The following TSGA10IP variants were observed in gnomAD, a reference collection of about 807,000 sequenced individuals.
TSGA10IP encodes the protein testis specific 10 interacting protein, also known as testis-specific protein 10-interacting protein.
A neutral mutation model predicts 63.2 loss-of-function variants in TSGA10IP; 64 were observed. The ratio of observed to expected loss-of-function variants is 1.01; its 90% CI spans 0.83 to 1.25. TSGA10IP has a LOEUF of 1.25. Among genes scored for constraint, TSGA10IP ranks in the 50% most tolerant of loss-of-function variants. The pLI is 0.00. For synonymous variants in TSGA10IP, 316 were observed against 298.3 expected (o/e 1.06, Z -0.61); for missense variants, 681 against 710.1 (o/e 0.96, Z 0.47).
chr11:65,949,540 C>T (rs147033879), intron 4 of TSGA10IP, among the ~76,000 whole-genome samples: 3,364 of 152,032 alleles, frequency 0.022, 143 homozygotes, highest in African/African-American at 0.076. Flanking sequence ...CCTCAGCCTC[C>T]CAAGTAGCTG....
chr11:65,956,174 G>C (rs934108362), intron 5 of TSGA10IP, among the ~76,000 whole-genome samples: 1 of 136,298 alleles, frequency 7.3e-6, no homozygotes, highest in Non-Finnish European at 1.5e-5. Flanking sequence ...TTTCGCTCTT[G>C]TTGCCCAAGC....
chr11:65,947,476 G>T, exon 3 of TSGA10IP: 3 of 1,613,380 alleles, frequency 1.9e-6, no homozygotes, highest in Non-Finnish European at 2.5e-6. Flanking sequence ...AGGTCCAGCT[G>T]CAAAGCCTGG....
intron 7 of TSGA10IP, 86 bp from the exon 8 acceptor site, chr11:65,959,731 C>A: frequency 6.8e-7 from 1 of 1,470,828 alleles, no homozygotes; most frequent in Non-Finnish European, 9.0e-7. Flanking sequence ...GGCACTGAAG[C>A]AGGGTTTGAA....
At chr11:65,958,971 C>G in exon 6 of TSGA10IP, 1 of 1,613,128 alleles carries the variant, frequency 6.2e-7, no homozygotes, top group Non-Finnish European at 8.5e-7. Context: ...CCTGTTCCAG[C>G]AGGCTATGCA....
intron 5 of TSGA10IP, among the ~76,000 whole-genome samples, chr11:65,957,763 C>A (rs111286031): frequency 6.6e-6 from 1 of 152,016 alleles, no homozygotes; most frequent in Non-Finnish European, 1.5e-5. Context: ...CTCTTGTCTG[C>A]GTCTTCCCTC....
At chr11:65,956,086 C>T (rs972028117) in intron 5 of TSGA10IP, among the ~76,000 whole-genome samples, 1 of 151,998 alleles carries the variant, frequency 6.6e-6, no homozygotes, top group East Asian at 1.9e-4. Flanking sequence ...TGCCTTAAGG[C>T]CACTGACGGC....
At chr11:65,954,664 A>G (rs1181387831) in intron 5 of TSGA10IP, among the ~76,000 whole-genome samples, 1 of 152,074 alleles carries the variant, frequency 6.6e-6, no homozygotes. Context: ...CTAAAAATAC[A>G]AAAAGTAGCC....
At chr11:65,951,937 C>A (rs1451578867) in intron 4 of TSGA10IP, among the ~76,000 whole-genome samples, 1 of 150,136 alleles carries the variant, frequency 6.7e-6, no homozygotes, top group Non-Finnish European at 1.5e-5. Flanking sequence ...GCAACCTCCC[C>A]CTCCCAGGTT....
intron 7 of TSGA10IP, 49 bp from the exon 8 acceptor site, chr11:65,959,768 C>A: frequency 6.6e-7 from 1 of 1,517,124 alleles, no homozygotes; most frequent in Non-Finnish European, 8.9e-7. Context: ...TTTCCTTGGG[C>A]ATGGGGGTGG....
exon 3 of TSGA10IP, chr11:65,947,508 G>T: frequency 6.2e-7 from 1 of 1,613,370 alleles, no homozygotes. Flanking sequence ...GCCGAGAGGG[G>T]TCTGAGTTCT....
At chr11:65,957,705 C>T (rs370907956) in intron 5 of TSGA10IP, among the ~76,000 whole-genome samples, 4 of 152,294 alleles carry the variant, frequency 2.6e-5, no homozygotes, top group Admixed American at 6.5e-5. Flanking sequence ...CGCTGAGGTC[C>T]CAGTACAGGT....
intron 6 of TSGA10IP, 96 bp from the exon 7 acceptor site, chr11:65,959,094 C>G: frequency 6.4e-7 from 1 of 1,562,250 alleles, no homozygotes; most frequent in Non-Finnish European, 8.7e-7. Flanking sequence ...AGGGCTGCTG[C>G]CCTCTGGAAT....
intron 5 of TSGA10IP, among the ~76,000 whole-genome samples, chr11:65,956,965 A>G (rs989739847): frequency 2.6e-5 from 4 of 152,306 alleles, no homozygotes; most frequent in Middle Eastern, 3.4e-3. Flanking sequence ...GGTATCTCCC[A>G]TGCAGTCTCT....
chr11:65,958,881 AG>A lies in TSGA10IP; in HGVS notation c.1323del. 1 of 1,611,406 alleles carries A rather than the reference AG, an allele frequency of 6.2e-7. No homozygotes were observed. Among genetic ancestry groups the A allele is most frequent in the Non-Finnish European group, 8.5e-7 (1 of 1,178,748 alleles). On this transcript the variant is annotated splice_acceptor_variant, in intron 5 of 7. Transcript: ENST00000532620. LOFTEE classifies it high-confidence loss of function. ...CTGCACAAAGGCCTGTCTCCCCTGC[AG>A]GCGCCAGGAGCGACAGCGCTTTGCT...
chr11:65,956,782 G>A (rs540648881), intron 5 of TSGA10IP, among the ~76,000 whole-genome samples: 1 of 152,096 alleles, frequency 6.6e-6, no homozygotes, highest in South Asian at 2.1e-4. Flanking sequence ...GGCTGCCTCG[G>A]CCTCCCAGAG....
At chr11:65,959,820 C>G in exon 8 of TSGA10IP, 1 of 1,557,990 alleles carries the variant, frequency 6.4e-7, no homozygotes, top group South Asian at 1.2e-5. Flanking sequence ...CTTGAAGGAG[C>G]CACAGGTCAA....
At chr11:65,956,271 GGGATTACAGGCATGCGCCT>G (rs1855023478) in intron 5 of TSGA10IP, among the ~76,000 whole-genome samples, 1 of 151,702 alleles carries the variant, frequency 6.6e-6, no homozygotes, top group Non-Finnish European at 1.5e-5. Context: ...CCGAGTAGCT[GGGATTACAGGCATGCGCCT>G]CCACGCCCGG....
chr11:65,957,060 G>C (rs1855036912), intron 5 of TSGA10IP, among the ~76,000 whole-genome samples: 1 of 152,242 alleles, frequency 6.6e-6, no homozygotes, highest in African/African-American at 2.4e-5. Flanking sequence ...AAAAGAGGTT[G>C]TCCTGTGGGA....
rs574648093 is a variant in TSGA10IP, at chr11:65,959,334, C to G, written c.1547+20C>G. On this transcript the variant is annotated intron_variant, in intron 7 of 7. Coordinates refer to ENST00000532620, the Ensembl canonical transcript of TSGA10IP. ...ACCCAGGTGAGTCTCCCCGTCAGGT[C>G]AAGAACTGACTCTGCCATGCTGCTG... 2 of 1,609,418 alleles carry G rather than the reference C, an allele frequency of 1.2e-6. No homozygotes were observed.
Sources: allele counts gnomAD v4.1 joint callset (sites outside exome capture counted in the v4.1 genomes callset), GRCh38; gene constraint gnomAD v4.1.1; transcripts MANE v1.5; gene names NCBI Gene and HGNC (gene_info 2026-07-23, HGNC 2026-07-21).